PTPRD: variants seen among roughly 807,000 people sequenced by gnomAD.
PTPRD encodes protein tyrosine phosphatase receptor type D, also known as receptor-type tyrosine-protein phosphatase delta.
A neutral mutation model predicts 214.5 loss-of-function variants in PTPRD; 34 were observed. The ratio of observed to expected loss-of-function variants is 0.16; its 90% CI spans 0.12 to 0.21. The LOEUF (loss-of-function observed/expected upper bound fraction) is 0.21, where lower values mean the gene tolerates loss of function less well. PTPRD is among the 10% of genes least tolerant of loss of function. The pLI is 1.00. For missense variants in PTPRD, 2,545 were observed against 2,398.7 expected (o/e 1.06, Z -1.27); for synonymous variants, 1,128 against 845.7 (o/e 1.33, Z -5.79).
intron 9 of PTPRD, among the ~76,000 whole-genome samples, chr9:9,266,007 C>T (rs1939382795): frequency 6.6e-6 from 1 of 151,264 alleles, no homozygotes; most frequent in South Asian, 2.1e-4. Context: ...GCTTTAAGGA[C>T]ATACATAAGG....
intron 2 of PTPRD, among the ~76,000 whole-genome samples, chr9:10,495,178 G>T (rs927260287): frequency 6.6e-6 from 1 of 151,762 alleles, no homozygotes; most frequent in African/African-American, 2.4e-5. Flanking sequence ...ATCACAAAGA[G>T]AATAAGAGAG....
At chr9:9,391,757 G>A (rs905604590) in intron 9 of PTPRD, among the ~76,000 whole-genome samples, 3 of 152,210 alleles carry the variant, frequency 2.0e-5, no homozygotes, top group South Asian at 2.1e-4. Flanking sequence ...ATGGGAGGTG[G>A]GCCCTGCCTC....
chr9:8,561,000 G>C (rs561963613), intron 14 of PTPRD, among the ~76,000 whole-genome samples: 92 of 151,800 alleles, frequency 6.1e-4, no homozygotes, highest in Non-Finnish European at 9.9e-4. Flanking sequence ...AGTCAGATGG[G>C]GCAGGATCCC....
chr9:10,020,238 A>G (rs982404758), intron 4 of PTPRD, among the ~76,000 whole-genome samples: 3 of 152,222 alleles, frequency 2.0e-5, no homozygotes, highest in Non-Finnish European at 2.9e-5. Flanking sequence ...AAATGAACCA[A>G]CAATTTGGCA....
At chr9:9,977,902 G>GA (rs2095412677) in intron 4 of PTPRD, among the ~76,000 whole-genome samples, 1 of 148,316 alleles carries the variant, frequency 6.7e-6, no homozygotes, top group Admixed American at 6.9e-5. Context: ...TATGGCATTT[G>GA]AAAAAATATA....
At chr9:10,385,985 A>C (rs2097907327) in intron 2 of PTPRD, among the ~76,000 whole-genome samples, 1 of 151,820 alleles carries the variant, frequency 6.6e-6, no homozygotes, top group South Asian at 2.1e-4. Flanking sequence ...TATTTCTCTA[A>C]GTTGTCATAT....
intron 4 of PTPRD, among the ~76,000 whole-genome samples, chr9:9,953,318 C>T (rs1203126199): frequency 6.6e-6 from 1 of 152,066 alleles, no homozygotes; most frequent in Non-Finnish European, 1.5e-5. Flanking sequence ...ACTGACCTCA[C>T]CTGAGCAAAA....
intron 2 of PTPRD, among the ~76,000 whole-genome samples, chr9:10,428,989 G>C (rs888378879): frequency 6.6e-6 from 1 of 151,912 alleles, no homozygotes; most frequent in East Asian, 1.9e-4. Flanking sequence ...GTTGGTTGTG[G>C]CAATGTCTGG....
intron 39 of PTPRD, among the ~76,000 whole-genome samples, chr9:8,359,757 A>T (rs775323797): frequency 2.0e-5 from 3 of 152,118 alleles, no homozygotes; most frequent in Non-Finnish European, 2.9e-5. Context: ...ACTAAAATAA[A>T]ATCTCTGTAT....
chr9:10,001,212 T>A (rs2096303897), intron 4 of PTPRD, among the ~76,000 whole-genome samples: 1 of 152,012 alleles, frequency 6.6e-6, no homozygotes, highest in Admixed American at 6.6e-5. Flanking sequence ...CAATTTGACA[T>A]CATCCATTCC....
intron 11 of PTPRD, among the ~76,000 whole-genome samples, chr9:8,801,811 T>C (rs1162251797): frequency 1.3e-5 from 2 of 152,208 alleles, no homozygotes; most frequent in Non-Finnish European, 2.9e-5. Context: ...CTGTGTGCCA[T>C]GTGGCCTGAC....
intron 12 of PTPRD, among the ~76,000 whole-genome samples, chr9:8,720,888 C>G (rs1193637803): frequency 6.6e-6 from 1 of 152,092 alleles, no homozygotes; most frequent in African/African-American, 2.4e-5. Flanking sequence ...CTTGGGCCCT[C>G]TGGCTGCTGT....
chr9:8,399,429 A>G, intron 36 of PTPRD, among the ~76,000 whole-genome samples: 1 of 152,162 alleles, frequency 6.6e-6, no homozygotes, highest in East Asian at 1.9e-4. Flanking sequence ...CAGCTTCCCC[A>G]AAGAGTGAAT....
intron 10 of PTPRD, among the ~76,000 whole-genome samples, chr9:9,052,330 T>C (rs528484126): frequency 6.6e-6 from 1 of 152,324 alleles, no homozygotes; most frequent in African/African-American, 2.4e-5. Flanking sequence ...AACATAAAGA[T>C]TTATTCATAA....
intron 9 of PTPRD, among the ~76,000 whole-genome samples, chr9:9,214,672 A>G (rs1332764284): frequency 6.6e-6 from 1 of 152,164 alleles, no homozygotes; most frequent in Admixed American, 6.5e-5. Flanking sequence ...TTTAGAGAAG[A>G]TAAAAACGCC....
intron 3 of PTPRD, among the ~76,000 whole-genome samples, chr9:10,160,063 C>T (rs1244889250): frequency 6.6e-6 from 1 of 151,834 alleles, no homozygotes; most frequent in African/African-American, 2.4e-5. Flanking sequence ...GATAAAGAAA[C>T]AAGATCTAAA....
intron 4 of PTPRD, among the ~76,000 whole-genome samples, chr9:9,989,966 A>G (rs1487235863): frequency 6.6e-6 from 1 of 152,184 alleles, no homozygotes; most frequent in Non-Finnish European, 1.5e-5. Flanking sequence ...CAAGTCCCGC[A>G]AAGGGGTCAA....
At chr9:10,305,787 G>C (rs540544761) in intron 3 of PTPRD, among the ~76,000 whole-genome samples, 1 of 152,012 alleles carries the variant, frequency 6.6e-6, no homozygotes, top group African/African-American at 2.4e-5. Flanking sequence ...TGCCGGAGAG[G>C]ATGTGGAGAA....
At chr9:10,377,301 A>T (rs1447004312) in intron 2 of PTPRD, among the ~76,000 whole-genome samples, 2 of 151,700 alleles carry the variant, frequency 1.3e-5, no homozygotes, top group Non-Finnish European at 2.9e-5. Context: ...TATTATTATT[A>T]TTATTATACT....
Sources: gnomAD v4.1 joint callset for allele counts (sites outside exome capture counted in the v4.1 genomes callset) on GRCh38, gnomAD v4.1.1 for gene constraint, MANE v1.5 for transcripts, NCBI Gene and HGNC (gene_info 2026-07-23, HGNC 2026-07-21) for gene names.